Variants in PTBP3 observed in about 807,000 individuals in gnomAD.
PTBP3 encodes polypyrimidine tract-binding protein 3.
A neutral mutation model predicts 58.7 loss-of-function variants in PTBP3; 20 were observed. The ratio of observed to expected loss-of-function variants is 0.34; its 90% CI spans 0.24 to 0.50. The LOEUF (loss-of-function observed/expected upper bound fraction) is 0.50. Among genes scored for constraint, PTBP3 ranks in the 20% least tolerant of loss-of-function variants. The pLI is 0.98. For synonymous variants in PTBP3, 185 were observed against 219.8 expected (o/e 0.84, Z 1.40); for missense variants, 509 against 637.2 (o/e 0.80, Z 2.17).
At chr9:112,371,740 TTTTTG>T in the PTBP3 span, among the ~76,000 whole-genome samples, 1 of 150,152 alleles carries the variant, frequency 6.7e-6, no homozygotes, top group East Asian at 2.0e-4. Context: ...AATTCATTCA[TTTTTG>T]TTTTTTGAGA....
chr9:112,256,041 G>GTCAGGAGT (rs1446004846), intron 5 of PTBP3, among the ~76,000 whole-genome samples: 2 of 152,066 alleles, frequency 1.3e-5, no homozygotes, highest in Non-Finnish European at 2.9e-5. Flanking sequence ...GTCACCTGAA[G>GTCAGGAGT]TCAGGAGTTC....
At chr9:112,261,172 C>G (rs1417921203) in intron 5 of PTBP3, among the ~76,000 whole-genome samples, 2 of 152,210 alleles carry the variant, frequency 1.3e-5, no homozygotes, top group Non-Finnish European at 2.9e-5. Context: ...ATCACTTAAG[C>G]AACAGCTGAA....
chr9:112,230,324 T>C (rs531703511), intron 10 of PTBP3, among the ~76,000 whole-genome samples: 2 of 152,184 alleles, frequency 1.3e-5, no homozygotes, highest in East Asian at 3.9e-4. Flanking sequence ...ACCCTGTCTC[T>C]AAAACTATCA....
At chr9:112,300,964 T>TATCAAA (rs1489640004) in intron 1 of PTBP3, among the ~76,000 whole-genome samples, 11 of 140,096 alleles carry the variant, frequency 7.9e-5, no homozygotes. Flanking sequence ...AAAAATGGAT[T>TATCAAA]ATCAAAACCA....
intron 7 of PTBP3, among the ~76,000 whole-genome samples, chr9:112,241,482 T>C (rs1363554656): frequency 6.6e-6 from 1 of 152,234 alleles, no homozygotes; most frequent in Non-Finnish European, 1.5e-5. Context: ...AAGTGCCCTA[T>C]ACAGGTGTAC....
intron 1 of PTBP3, among the ~76,000 whole-genome samples, chr9:112,300,846 C>G (rs1294242492): frequency 6.6e-6 from 1 of 151,902 alleles, no homozygotes; most frequent in African/African-American, 2.4e-5. Flanking sequence ...CCTGTATTCC[C>G]AGCACTTGGG....
chr9:112,291,100 T>C (rs1020174458), intron 2 of PTBP3, among the ~76,000 whole-genome samples: 1 of 152,046 alleles, frequency 6.6e-6, no homozygotes, highest in Non-Finnish European at 1.5e-5. Context: ...CGGGCGCCTG[T>C]AGTCCCAGCT....
intron 2 of PTBP3, among the ~76,000 whole-genome samples, chr9:112,279,318 C>T (rs931451514): frequency 9.9e-5 from 15 of 152,120 alleles, no homozygotes; most frequent in Non-Finnish European, 2.2e-4. Context: ...TTGTATTTTA[C>T]TAAACTATAC....
rs1005939107 is a variant in PTBP3, at chr9:112,219,118, T to G, written c.*4733A>C. On this transcript the variant is annotated 3_prime_UTR_variant, in exon 14 of 14. Coordinates refer to ENST00000374257, the MANE Select transcript of PTBP3 (RefSeq NM_001163788.4). ...ACTGGTTCTTCTTTCAGAAAGGAGC[T>G]TGGGGAAAATGCAAAATGCTTTACA... 1.3e-5 allele frequency: 2 copies of G among 152,616 alleles called. No homozygotes were observed. Among genetic ancestry groups the G allele is most frequent in the African/African-American group, 4.8e-5 (2 of 41,434 alleles). The allele number at this position is 152,616 out of a possible 1,614,324, so 9.5% of individuals were successfully genotyped here.
At chr9:112,337,800 A>AGTAGGCATTCCAGTAGGCATTCCAGT (rs1830589262), upstream of PTBP3, among the ~76,000 whole-genome samples, 1 of 152,240 alleles carries the variant, frequency 6.6e-6, no homozygotes, top group African/African-American at 2.4e-5. Flanking sequence ...CACTTGCCTT[A>AGTAGGCATTCCAGTAGGCATTCCAGT]AGGCATTCCA....
the PTBP3 span, among the ~76,000 whole-genome samples, chr9:112,367,693 G>A: frequency 6.6e-6 from 1 of 152,122 alleles, no homozygotes; most frequent in African/African-American, 2.4e-5. Context: ...TATGTAATGA[G>A]TTCCTTTTCT....
At chr9:112,243,748 T>C (rs1209324037) in intron 7 of PTBP3, among the ~76,000 whole-genome samples, 1 of 152,182 alleles carries the variant, frequency 6.6e-6, no homozygotes, top group East Asian at 1.9e-4. Context: ...AACAAAACAG[T>C]AATGATACTT....
the PTBP3 span, among the ~76,000 whole-genome samples, chr9:112,370,552 A>G: frequency 6.6e-6 from 1 of 152,206 alleles, no homozygotes; most frequent in African/African-American, 2.4e-5. Context: ...ATTAAAAAAA[A>G]AATCTGGAAG....
intron 12 of PTBP3, among the ~76,000 whole-genome samples, chr9:112,225,882 C>G (rs535380421): frequency 6.6e-6 from 1 of 151,828 alleles, no homozygotes; most frequent in African/African-American, 2.4e-5. Flanking sequence ...CCTGTCTCTA[C>G]AAAAAAATAC....
chr9:112,263,981 CAA>C (rs1036784076), intron 4 of PTBP3, among the ~76,000 whole-genome samples: 1 of 134,804 alleles, frequency 7.4e-6, no homozygotes, highest in Non-Finnish European at 1.6e-5. Context: ...GGTGCTGTCT[CAA>C]AAAAAAAAAA....
chr9:112,332,682 T>C (rs917338281), intron 1 of PTBP3: 27 of 1,433,656 alleles, frequency 1.9e-5, no homozygotes, highest in Admixed American at 6.3e-5. Flanking sequence ...ACAGTTTATA[T>C]ACATAGACTC....
chr9:112,276,058 G>T, intron 2 of PTBP3, 45 bp from the exon 3 acceptor site: 4 of 1,527,728 alleles, frequency 2.6e-6, no homozygotes, highest in Non-Finnish European at 3.6e-6. Context: ...AACTAATTTG[G>T]GTTGACATAC....
the PTBP3 span, among the ~76,000 whole-genome samples, chr9:112,371,461 C>A: frequency 6.6e-6 from 1 of 152,138 alleles, no homozygotes; most frequent in Non-Finnish European, 1.5e-5. Context: ...TATGAAACTG[C>A]TAGAAGAGGT....
rs571914320 is a variant in PTBP3 at position 112,300,721 on chromosome 9, C to T, written c.-51-2805G>A. Among the ~76,000 whole-genome samples the T allele has an allele frequency of 5.9e-5, 9 of 152,068 alleles. No individual in the cohort carries two copies. In the South Asian group the frequency reaches 1.9e-3, roughly 32 times the overall value. On this transcript the variant is annotated intron_variant, in intron 1 of 13. Transcript: ENST00000374257. ...GAGCCGAGATCACGCCACTGCACTC[C>T]AGCCTGGGCGACAAAGCGAGACTCC...
Sources: gnomAD v4.1 joint callset for allele counts (sites outside exome capture counted in the v4.1 genomes callset) on GRCh38, gnomAD v4.1.1 for gene constraint, MANE v1.5 for transcripts, NCBI Gene and HGNC (gene_info 2026-07-23, HGNC 2026-07-21) for gene names.